Variants in COPG2 observed in about 807,000 individuals in gnomAD.
The protein encoded by COPG2 is coatomer subunit gamma-2.
Under a neutral mutation model 46.3 loss-of-function variants are expected in COPG2, and 37 were observed. The ratio of observed to expected loss-of-function variants is 0.80; its 90% CI spans 0.61 to 1.05. COPG2 has a LOEUF of 1.05. Among genes scored for constraint, COPG2 ranks in the 50% least tolerant of loss-of-function variants. The probability of loss-of-function intolerance (pLI) is 0.00; values close to 1 mark genes in which losing one functional copy is unlikely to be tolerated. For missense variants in COPG2, 427 were observed against 387.8 expected, an observed-to-expected ratio of 1.10 and a Z score of -0.85; for synonymous variants, 159 against 129.7, an observed-to-expected ratio of 1.23 and a Z score of -1.53.
At chr7:130,528,379 AG>A (rs1462098566) in intron 20 of COPG2, among the ~76,000 whole-genome samples, 1 of 151,842 alleles carries the variant, frequency 6.6e-6, no homozygotes, top group Non-Finnish European at 1.5e-5. Context: ...GGGTGCTGGA[AG>A]GTACCCATAG....
chr7:130,663,523 A>C (rs1796017841), intron 3 of COPG2, among the ~76,000 whole-genome samples: 1 of 152,058 alleles, frequency 6.6e-6, no homozygotes, highest in Non-Finnish European at 1.5e-5. Context: ...GACCAACCAA[A>C]AGGGCAGGAA....
chr7:130,666,863 A>G lies in COPG2; in HGVS notation c.157T>C (p.Tyr53His). 3 of 1,500,134 alleles carry G rather than the reference A, an allele frequency of 2.0e-6. No individual in the cohort carries two copies. The highest frequency in any genetic ancestry group is 2.8e-6 in the Non-Finnish European group (3 of 1,085,492). The allele number at this position is 1,500,134 out of a possible 1,614,324, so 92.9% of individuals were successfully genotyped here. ...AAATAATATACCTGGTTCAGTAAGT[A>G]AAGAATCTTTGTAAGAATATGCAAA... The part of the protein sequence containing the change: ...RCLHILTKIL[Y>H]LLNQGEHFGT... The change falls in exon 3 of 24, where the codon TAC becomes CAC. Residue 53 changes from tyrosine (Y) to histidine (H), a missense_variant. Tyr to His is a moderately conservative substitution (Grantham distance 83). Transcript: ENST00000425248.
At chr7:130,509,857 A>T (rs376384859) in intron 20 of COPG2, 37 of 495,828 alleles carry the variant, frequency 7.5e-5, no homozygotes, top group African/African-American at 5.8e-4. Context: ...AGCCTGGGAA[A>T]ACTGTAAAAA....
At position 130,616,967 on chromosome 7, in the gene COPG2, A is replaced by G. The variant is rs1400516709; in HGVS notation, c.399+23T>C. On this transcript the variant is annotated intron_variant, in intron 6 of 23. Transcript: ENST00000425248. ...GATAAACATAGTGTTCCATTTGGTAACTCAGTGAAACAGATAACTTACATC... is the reference window on the plus strand; with the variant it reads ...GATAAACATAGTGTTCCATTTGGTAGCTCAGTGAAACAGATAACTTACATC... 7 of 1,522,200 alleles carry G rather than the reference A, an allele frequency of 4.6e-6. No individual in the cohort carries two copies. The East Asian group carries it at 1.6e-4, about 35-fold the overall frequency. The allele number at this position is 1,522,200 out of a possible 1,614,324, so 94.3% of individuals were successfully genotyped here. A position where few individuals can be genotyped will look rare whatever the true frequency, so the allele number is the denominator to read the frequency against.
intron 9 of COPG2, among the ~76,000 whole-genome samples, chr7:130,577,794 A>G (rs1198433324): frequency 1.3e-5 from 2 of 151,594 alleles, no homozygotes; most frequent in Non-Finnish European, 2.9e-5. Flanking sequence ...AAAAACAAAA[A>G]AAAAAAACAG....
At chr7:130,587,507 T>A (rs1794300152) in intron 9 of COPG2, among the ~76,000 whole-genome samples, 1 of 152,006 alleles carries the variant, frequency 6.6e-6, no homozygotes, top group African/African-American at 2.4e-5. Flanking sequence ...CACCTTTAAA[T>A]TTTTAAATTT....
intron 9 of COPG2, among the ~76,000 whole-genome samples, chr7:130,582,159 A>C (rs1236983803): frequency 1.4e-5 from 2 of 146,990 alleles, no homozygotes; most frequent in African/African-American, 2.5e-5. Context: ...ATATAGATCA[A>C]TGGAACAGAA....
chr7:130,615,009 G>A (rs1349622934), intron 6 of COPG2, among the ~76,000 whole-genome samples: 9 of 152,152 alleles, frequency 5.9e-5, no homozygotes, highest in African/African-American at 1.9e-4. Context: ...CAAAGCAAAT[G>A]TCCTAGGAAG....
intron 5 of COPG2, among the ~76,000 whole-genome samples, chr7:130,625,971 T>C (rs782723359): frequency 1.5e-4 from 23 of 152,164 alleles, no homozygotes; most frequent in Non-Finnish European, 2.5e-4. Flanking sequence ...ATTTAATAAT[T>C]TATTTTTAAC....
rs1554440391 is a variant in COPG2, at chr7:130,507,716, G to C, written c.2355C>G (p.Thr785=). Residue 785 remains threonine (T), a synonymous_variant, in exon 22 of 24, where the codon ACC becomes ACG. Coordinates refer to ENST00000425248, the MANE Select transcript of COPG2 (RefSeq NM_012133.6). ...GGGTTTTGGTAGAACTGAGGGCAAA[G>C]GTTTCCTCTTTCTCAAAGGTATCTC... ...EVGDTFEKEE[T]FALSSTKTLE... The C allele has an allele frequency of 2.6e-6, 2 of 780,514 alleles. No individual in the cohort carries two copies. The allele number at this position is 780,514 out of a possible 1,614,324, so 48.3% of individuals were successfully genotyped here.
intron 9 of COPG2, among the ~76,000 whole-genome samples, chr7:130,601,920 C>CAG (rs782739807): frequency 1.8e-4 from 27 of 152,032 alleles, no homozygotes; most frequent in Non-Finnish European, 3.1e-4. Flanking sequence ...GGAAGGCTCT[C>CAG]AAAGTGAGAA....
chr7:130,508,135 T>G lies in COPG2; in HGVS notation c.2248-312A>C, dbSNP rs55791692. 1,871 of 270,588 alleles carry G rather than the reference T, an allele frequency of 6.9e-3. 36 individuals carry two copies. Among genetic ancestry groups the G allele is most frequent in the African/African-American group, 0.039 (1,761 of 45,106 alleles). The allele number at this position is 270,588 out of a possible 1,614,324, so 16.8% of individuals were successfully genotyped here. A position where few individuals can be genotyped will look rare whatever the true frequency, so the allele number is the denominator to read the frequency against. Reference sequence around the variant, plus strand: ...CATTCACTAAGAGGTTGATATTTTTTAAAAAAAGTTTTCCCTCCATTCTGT... The same window carrying G: ...CATTCACTAAGAGGTTGATATTTTTGAAAAAAAGTTTTCCCTCCATTCTGT... On this transcript the variant is annotated intron_variant, in intron 21 of 23. Transcript: ENST00000425248.
At chr7:130,522,571 A>G (rs1799732702) in intron 20 of COPG2, among the ~76,000 whole-genome samples, 1 of 152,094 alleles carries the variant, frequency 6.6e-6, no homozygotes, top group South Asian at 2.1e-4. Flanking sequence ...ATCCTTTTCA[A>G]GAGTCGGAGG....
intron 20 of COPG2, among the ~76,000 whole-genome samples, chr7:130,526,577 G>A (rs1799776318): frequency 6.6e-6 from 1 of 152,006 alleles, no homozygotes; most frequent in South Asian, 2.1e-4. Context: ...GTGGAAGGGA[G>A]CTGGGCAGGA....
At chr7:130,532,156 G>T (rs1057503310) in intron 20 of COPG2, among the ~76,000 whole-genome samples, 4 of 152,180 alleles carry the variant, frequency 2.6e-5, no homozygotes, top group Non-Finnish European at 5.9e-5. Context: ...AGACTGTCAG[G>T]TGTGGGAACA....
chr7:130,667,378 G>T, intron 2 of COPG2, 104 bp downstream of exon 2: 1 of 875,436 alleles, frequency 1.1e-6, no homozygotes, highest in Non-Finnish European at 1.8e-6. Context: ...ACTCTGTTAC[G>T]TTTCTTGTTT....
chr7:130,592,926 A>G (rs1794458924), intron 9 of COPG2, among the ~76,000 whole-genome samples: 2 of 152,258 alleles, frequency 1.3e-5, no homozygotes, highest in Admixed American at 6.5e-5. Flanking sequence ...TTTAAAAACT[A>G]TAAAGCCCAA....
At chr7:130,527,122 G>A in intron 20 of COPG2, among the ~76,000 whole-genome samples, 1 of 127,318 alleles carries the variant, frequency 7.9e-6, no homozygotes, top group South Asian at 2.7e-4. Context: ...AGAGACTGAG[G>A]CAAACAGGAA....
intron 9 of COPG2, among the ~76,000 whole-genome samples, chr7:130,582,482 A>C (rs1219317044): frequency 2.6e-5 from 4 of 151,838 alleles, no homozygotes; most frequent in African/African-American, 4.8e-5. Flanking sequence ...GCAACAAAAG[A>C]CAAAATTGAC....
Sources: allele counts gnomAD v4.1 joint callset (sites outside exome capture counted in the v4.1 genomes callset), GRCh38; gene constraint gnomAD v4.1.1; transcripts MANE v1.5; gene names NCBI Gene and HGNC (gene_info 2026-07-23, HGNC 2026-07-21).